The following LRRTM4 variants were observed in gnomAD, a reference collection of about 807,000 sequenced individuals.
LRRTM4 encodes leucine rich repeat transmembrane neuronal 4.
Under a neutral mutation model 47.6 loss-of-function variants are expected in LRRTM4, and 25 were observed. The ratio of observed to expected loss-of-function variants is 0.53; its 90% CI spans 0.38 to 0.73. LRRTM4 has a LOEUF of 0.73. Among genes scored for constraint, LRRTM4 ranks in the 30% least tolerant of loss-of-function variants. LRRTM4 has a pLI of 0.00. For missense variants in LRRTM4, 638 were observed against 713.4 expected (o/e 0.89, Z 1.20); for synonymous variants, 311 against 269.5 (o/e 1.15, Z -1.51).
intron 3 of LRRTM4, among the ~76,000 whole-genome samples, chr2:76,807,485 T>TACATATATATATACATATATATATATAC (rs1558667775): frequency 6.4e-5 from 8 of 124,400 alleles, no homozygotes; most frequent in African/African-American, 1.6e-4. Flanking sequence ...TATATATATA[T>TACATATATATATACATATATATATATAC]ACATATATAT....
rs12992652 is a variant in LRRTM4 at position 76,781,287 on chromosome 2, C to G, written c.1552-32371G>C. ...GAGCTGTGGTGGGCTCCACCCAGTTCGAGCTTCCTGGCTGCTTTGTTTACC... is the reference window on the plus strand; with the variant it reads ...GAGCTGTGGTGGGCTCCACCCAGTTGGAGCTTCCTGGCTGCTTTGTTTACC... On this transcript the variant is annotated intron_variant, in intron 3 of 3. Coordinates refer to ENST00000409884, the MANE Select transcript of LRRTM4 (RefSeq NM_001134745.3). Among the ~76,000 whole-genome samples, 524 of 138,758 alleles carry G rather than the reference C, an allele frequency of 3.8e-3. 3 individuals carry two copies. The highest frequency in any genetic ancestry group is 8.1e-3 in the Middle Eastern group (2 of 248). 91.0% of individuals were successfully genotyped at this position (138,758 alleles called of 152,430 possible). A position where few individuals can be genotyped will look rare whatever the true frequency, so the allele number is the denominator to read the frequency against.
intron 3 of LRRTM4, among the ~76,000 whole-genome samples, chr2:77,207,372 T>TATATATATATACACAC (rs59335400): frequency 2.3e-4 from 30 of 131,094 alleles, no homozygotes; most frequent in African/African-American, 7.1e-4. Flanking sequence ...TATATATATA[T>TATATATATATACACAC]ACACACACAC....
intron 3 of LRRTM4, among the ~76,000 whole-genome samples, chr2:76,822,543 G>A (rs1258448279): frequency 6.6e-6 from 1 of 151,478 alleles, no homozygotes; most frequent in African/African-American, 2.4e-5. Flanking sequence ...TGAACTTTCA[G>A]AGGCAAAAAG....
rs1671298235 is a variant in LRRTM4 at position 76,829,840 on chromosome 2, G to A, written c.1552-80924C>T. On this transcript the variant is annotated intron_variant, in intron 3 of 3. Transcript: ENST00000409884. Reference sequence around the variant, plus strand: ...TTGCATTTTAATTCATCAGGGTTGTGGAAATCATAACCGTCACTTAGACAT... The same window carrying A: ...TTGCATTTTAATTCATCAGGGTTGTAGAAATCATAACCGTCACTTAGACAT... Among the ~76,000 whole-genome samples, 5 of 151,930 alleles carry A rather than the reference G, an allele frequency of 3.3e-5. No individual in the cohort carries two copies. In the South Asian group the frequency reaches 1.0e-3, roughly 32 times the overall value.
At chr2:77,372,332 C>T (rs954320049) in intron 3 of LRRTM4, among the ~76,000 whole-genome samples, 27 of 151,638 alleles carry the variant, frequency 1.8e-4, no homozygotes, top group African/African-American at 5.6e-4. Flanking sequence ...CCATAGGTTG[C>T]CTTTCATTTA....
At chr2:76,935,472 C>T (rs1674914250) in intron 3 of LRRTM4, among the ~76,000 whole-genome samples, 2 of 152,072 alleles carry the variant, frequency 1.3e-5, no homozygotes, top group Non-Finnish European at 2.9e-5. Context: ...ACTGAGTCTT[C>T]CTATCCATGA....
At chr2:77,139,058 G>C (rs1204644897) in intron 3 of LRRTM4, among the ~76,000 whole-genome samples, 1 of 152,072 alleles carries the variant, frequency 6.6e-6, no homozygotes. Context: ...GGAGGAGCTG[G>C]TACCATTTCT....
chr2:77,491,401 G>C (rs1678156867), intron 3 of LRRTM4, among the ~76,000 whole-genome samples: 1 of 151,862 alleles, frequency 6.6e-6, no homozygotes, highest in African/African-American at 2.4e-5. Flanking sequence ...CCCTGAGATG[G>C]AAAAATTCAA....
At chr2:76,793,979 A>G (rs1188436568) in intron 3 of LRRTM4, among the ~76,000 whole-genome samples, 1 of 152,212 alleles carries the variant, frequency 6.6e-6, no homozygotes, top group African/African-American at 2.4e-5. Flanking sequence ...TCCCACTTAC[A>G]TTTTGGAGAA....
chr2:77,388,611 G>A (rs1483083482), intron 3 of LRRTM4, among the ~76,000 whole-genome samples: 2 of 151,902 alleles, frequency 1.3e-5, no homozygotes, highest in African/African-American at 2.4e-5. Flanking sequence ...TTATTTATAT[G>A]TATCAAATCA....
In LRRTM4 at chr2:77,360,426, G is replaced by C. The variant is rs1672147433; in HGVS notation, c.1551+157892C>G. On this transcript the variant is annotated intron_variant, in intron 3 of 3. Transcript: ENST00000409884. ...GAGCCAAGATCACGGCCACTGCACT[G>C]TAGCCTGGGCGGCAGAGCGAGACTC... Among the ~76,000 whole-genome samples, 7 of 152,004 alleles carry C rather than the reference G, an allele frequency of 4.6e-5. 1 individual carries two copies. The South Asian group carries it at 1.2e-3, about 27-fold the overall frequency.
intron 3 of LRRTM4, among the ~76,000 whole-genome samples, chr2:77,332,951 G>T (rs1671023373): frequency 6.6e-6 from 1 of 152,162 alleles, no homozygotes; most frequent in African/African-American, 2.4e-5. Context: ...CTAGGTGGGA[G>T]GTGATTGAAT....
intron 3 of LRRTM4, among the ~76,000 whole-genome samples, chr2:77,048,550 T>C (rs546021860): frequency 1.8e-4 from 27 of 152,034 alleles, no homozygotes; most frequent in Non-Finnish European, 3.1e-4. Flanking sequence ...AAAAATTCTA[T>C]TGACTTGAAT....
At chr2:76,880,790 C>G (rs527876502) in intron 3 of LRRTM4, among the ~76,000 whole-genome samples, 7 of 152,234 alleles carry the variant, frequency 4.6e-5, no homozygotes, top group African/African-American at 1.7e-4. Flanking sequence ...ACAGTTACAA[C>G]TACAACAATA....
At chr2:77,376,742 T>A (rs1477272012) in intron 3 of LRRTM4, among the ~76,000 whole-genome samples, 1 of 151,860 alleles carries the variant, frequency 6.6e-6, no homozygotes, top group Admixed American at 6.6e-5. Context: ...ACAATATTTA[T>A]CACTAGTGAA....
intron 3 of LRRTM4, among the ~76,000 whole-genome samples, chr2:76,888,790 C>G (rs1203258462): frequency 6.6e-6 from 1 of 151,756 alleles, no homozygotes; most frequent in South Asian, 2.1e-4. Flanking sequence ...TTTTTTGCAT[C>G]TAACACCTGG....
intron 3 of LRRTM4, among the ~76,000 whole-genome samples, chr2:76,820,877 A>G (rs928943675): frequency 2.0e-5 from 3 of 151,756 alleles, no homozygotes; most frequent in Admixed American, 1.3e-4. Context: ...CAGCATCTGA[A>G]TTCTCCATTT....
intron 3 of LRRTM4, among the ~76,000 whole-genome samples, chr2:76,850,609 ATC>A (rs1440619046): frequency 1.3e-5 from 2 of 152,174 alleles, no homozygotes; most frequent in African/African-American, 2.4e-5. Context: ...ATGTCCCACA[ATC>A]TGTTAGGTAC....
intron 3 of LRRTM4, among the ~76,000 whole-genome samples, chr2:76,791,706 A>G (rs778872977): frequency 2.6e-5 from 4 of 152,240 alleles, no homozygotes; most frequent in Non-Finnish European, 5.9e-5. Flanking sequence ...GAAATGCCAC[A>G]GTGCAAACTG....
Sources: allele counts gnomAD v4.1 joint callset (sites outside exome capture counted in the v4.1 genomes callset), GRCh38; gene constraint gnomAD v4.1.1; transcripts MANE v1.5; gene names NCBI Gene and HGNC (gene_info 2026-07-23, HGNC 2026-07-21).